CNTNAP2: variants seen among roughly 807,000 people sequenced by gnomAD.
CNTNAP2 encodes the protein contactin associated protein 2, also known as contactin-associated protein-like 2.
CNTNAP2 carries 98 observed loss-of-function variants against 155.2 expected under a neutral mutation model. The observed-to-expected ratio is 0.63, with a 90% CI of 0.54 to 0.75. The LOEUF (loss-of-function observed/expected upper bound fraction) is 0.75. Ranked by LOEUF, CNTNAP2 falls within the 30% of genes least tolerant of loss-of-function variation. The probability of loss-of-function intolerance (pLI) is 0.00; values close to 1 mark genes in which losing one functional copy is unlikely to be tolerated. For synonymous variants in CNTNAP2, 651 were observed against 631.2 expected, an observed-to-expected ratio of 1.03 and a Z score of -0.47; for missense variants, 1,727 against 1,688.1, an observed-to-expected ratio of 1.02 and a Z score of -0.40.
intron 13 of CNTNAP2, among the ~76,000 whole-genome samples, chr7:147,680,563 G>A (rs992822362): frequency 9.9e-5 from 15 of 151,768 alleles, no homozygotes; most frequent in Admixed American, 2.0e-4. Flanking sequence ...GTGTACACCC[G>A]GAGTAGATTC....
intron 14 of CNTNAP2, among the ~76,000 whole-genome samples, chr7:147,921,108 C>T (rs1304299837): frequency 6.6e-6 from 1 of 151,426 alleles, no homozygotes; most frequent in East Asian, 1.9e-4. Context: ...CACGCCCTGC[C>T]TCCTTTTTTT....
At chr7:147,595,630 C>T (rs922641190) in intron 12 of CNTNAP2, among the ~76,000 whole-genome samples, 1 of 152,102 alleles carries the variant, frequency 6.6e-6, no homozygotes, top group African/African-American at 2.4e-5. Context: ...AACTTACGGC[C>T]GTATCTCAGT....
intron 3 of CNTNAP2, among the ~76,000 whole-genome samples, chr7:146,852,626 A>G (rs1385146904): frequency 6.6e-6 from 1 of 152,196 alleles, no homozygotes; most frequent in African/African-American, 2.4e-5. Flanking sequence ...ACTGGATTCC[A>G]GCAAACATGC....
intron 14 of CNTNAP2, among the ~76,000 whole-genome samples, chr7:147,951,486 G>C (rs951546260): frequency 6.6e-6 from 1 of 152,166 alleles, no homozygotes; most frequent in Non-Finnish European, 1.5e-5. Context: ...AATTAAGAAA[G>C]GGTGATGCTG....
chr7:146,570,425 C>T (rs1366763761), intron 1 of CNTNAP2, among the ~76,000 whole-genome samples: 1 of 152,156 alleles, frequency 6.6e-6, no homozygotes, highest in Admixed American at 6.5e-5. Context: ...TAATTGCTAT[C>T]TGCATCTGTG....
chr7:148,327,637 C>A (rs968489140), intron 21 of CNTNAP2, among the ~76,000 whole-genome samples: 6 of 152,194 alleles, frequency 3.9e-5, no homozygotes, highest in African/African-American at 1.4e-4. Context: ...GTTGTTACCA[C>A]TACCCCAAAC....
At chr7:147,020,100 C>T (rs1049024244) in intron 3 of CNTNAP2, among the ~76,000 whole-genome samples, 1 of 151,914 alleles carries the variant, frequency 6.6e-6, no homozygotes, top group Non-Finnish European at 1.5e-5. Context: ...AGATGAAATA[C>T]ATAATGTTTG....
In CNTNAP2 at chr7:147,448,484, G is replaced by GTATATATATATA. The variant is rs10683190; in HGVS notation, c.1671-37441_1671-37430dup. ...AAACAAACCAAATATGTGTGTGTGT[G>GTATATATATATA]TATATATATATATATATATATGCAC... is the stretch of plus-strand genomic sequence containing the variant. On this transcript the variant is annotated intron_variant, in intron 10 of 23. Transcript: ENST00000361727. Among the ~76,000 whole-genome samples, 725 of 143,386 alleles carry GTATATATATATA rather than the reference G, an allele frequency of 5.1e-3. 5 individuals are homozygous for GTATATATATATA. The highest frequency in any genetic ancestry group is 0.01 in the East Asian group (49 of 4,786). The allele number at this position is 143,386 out of a possible 152,430, so 94.1% of individuals were successfully genotyped here.
intron 13 of CNTNAP2, among the ~76,000 whole-genome samples, chr7:147,814,390 T>A (rs894634864): frequency 3.3e-5 from 5 of 152,324 alleles, no homozygotes; most frequent in Middle Eastern, 3.4e-3. Flanking sequence ...TTGTTATGCA[T>A]TTGTCTCCAT....
At chr7:146,798,571 C>G (rs1802813164) in intron 2 of CNTNAP2, among the ~76,000 whole-genome samples, 1 of 152,046 alleles carries the variant, frequency 6.6e-6, no homozygotes, top group African/African-American at 2.4e-5. Context: ...GTTTTGAACT[C>G]CTGGGCTCAA....
intron 13 of CNTNAP2, among the ~76,000 whole-genome samples, chr7:147,763,258 CAAAA>C (rs61666714): frequency 9.3e-6 from 1 of 107,156 alleles, no homozygotes; most frequent in Non-Finnish European, 2.1e-5. Flanking sequence ...GAAACTCAGT[CAAAA>C]AAAAAAAAAG....
At chr7:147,138,733 C>T (rs1469887317) in intron 8 of CNTNAP2, among the ~76,000 whole-genome samples, 3 of 151,974 alleles carry the variant, frequency 2.0e-5, no homozygotes. Flanking sequence ...TAATCACACT[C>T]CAGGACACCA....
intron 20 of CNTNAP2, among the ~76,000 whole-genome samples, chr7:148,256,619 C>G (rs1303497747): frequency 1.3e-5 from 2 of 152,158 alleles, no homozygotes; most frequent in African/African-American, 4.8e-5. Flanking sequence ...AGCCACTTTT[C>G]TCTTTTTGCC....
chr7:147,602,282 A>C (rs1057134572), intron 12 of CNTNAP2, among the ~76,000 whole-genome samples: 7 of 151,958 alleles, frequency 4.6e-5, no homozygotes, highest in Non-Finnish European at 7.4e-5. Flanking sequence ...TTTCAAAATA[A>C]ATTTGTTTTC....
At chr7:147,019,336 A>G (rs944979683) in intron 3 of CNTNAP2, among the ~76,000 whole-genome samples, 1 of 152,060 alleles carries the variant, frequency 6.6e-6, no homozygotes, top group African/African-American at 2.4e-5. Flanking sequence ...TAAATGCATG[A>G]TAGTTGACCG....
At chr7:146,852,133 T>C (rs1176996388) in intron 3 of CNTNAP2, among the ~76,000 whole-genome samples, 1 of 152,174 alleles carries the variant, frequency 6.6e-6, no homozygotes, top group African/African-American at 2.4e-5. Context: ...GGTTGGAACA[T>C]GAACATATGA....
At chr7:147,133,883 G>T (rs1037124040) in intron 8 of CNTNAP2, among the ~76,000 whole-genome samples, 2 of 151,872 alleles carry the variant, frequency 1.3e-5, no homozygotes, top group Non-Finnish European at 2.9e-5. Flanking sequence ...CTTTTTCCTT[G>T]AATGTCTAGT....
At chr7:147,217,702 A>C (rs1204481912) in intron 8 of CNTNAP2, among the ~76,000 whole-genome samples, 1 of 151,970 alleles carries the variant, frequency 6.6e-6, no homozygotes, top group East Asian at 1.9e-4. Flanking sequence ...TATCTTTTGA[A>C]AGTAATTGTA....
chr7:146,306,418 A>T (rs1426849754), intron 1 of CNTNAP2, among the ~76,000 whole-genome samples: 1 of 152,146 alleles, frequency 6.6e-6, no homozygotes, highest in African/African-American at 2.4e-5. Context: ...CAGCCTGATA[A>T]CAAAGCCTGG....
Sources: gnomAD v4.1 joint callset for allele counts (sites outside exome capture counted in the v4.1 genomes callset) on GRCh38, gnomAD v4.1.1 for gene constraint, MANE v1.5 for transcripts, NCBI Gene and HGNC (gene_info 2026-07-23, HGNC 2026-07-21) for gene names.